TMEM117: variants seen among roughly 807,000 people sequenced by gnomAD.
The protein encoded by TMEM117 is transmembrane protein 117.
Under a neutral mutation model 52.4 loss-of-function variants are expected in TMEM117, and 27 were observed. The ratio of observed to expected loss-of-function variants is 0.51; its 90% CI spans 0.38 to 0.71. TMEM117 has a LOEUF of 0.71. Among genes scored for constraint, TMEM117 ranks in the 30% least tolerant of loss-of-function variants. TMEM117 has a pLI of 0.00. For missense variants in TMEM117, 556 were observed against 630.5 expected (o/e 0.88, Z 1.26); for synonymous variants, 215 against 206.3 (o/e 1.04, Z -0.36).
intron 2 of TMEM117, among the ~76,000 whole-genome samples, chr12:43,933,416 T>C (rs1298453240): frequency 1.3e-5 from 2 of 151,982 alleles, no homozygotes; most frequent in African/African-American, 4.8e-5. Flanking sequence ...TTTGCCAGGA[T>C]GGTCTCGATC....
chr12:44,021,739 C>T (rs1200650712), intron 3 of TMEM117, among the ~76,000 whole-genome samples: 2 of 152,152 alleles, frequency 1.3e-5, no homozygotes, highest in African/African-American at 4.8e-5. Flanking sequence ...TGCTGAATGC[C>T]CTAACATAGG....
chr12:44,354,662 C>T (rs904720385), intron 6 of TMEM117, among the ~76,000 whole-genome samples: 5 of 151,668 alleles, frequency 3.3e-5, no homozygotes, highest in Admixed American at 6.6e-5. Flanking sequence ...ATTGATGGGA[C>T]GTATCTCAAA....
chr12:44,247,932 T>A (rs1950150806), intron 5 of TMEM117, among the ~76,000 whole-genome samples: 1 of 152,184 alleles, frequency 6.6e-6, no homozygotes, highest in Non-Finnish European at 1.5e-5. Context: ...GCCAGGCTTG[T>A]CTGGAGGAAA....
chr12:44,256,988 A>C (rs1489108393), intron 5 of TMEM117, among the ~76,000 whole-genome samples: 1 of 151,036 alleles, frequency 6.6e-6, no homozygotes. Context: ...GCTGACCCTG[A>C]CAAATGACTT....
chr12:43,843,804 T>G (rs147139448), intron 1 of TMEM117, among the ~76,000 whole-genome samples: 25 of 152,374 alleles, frequency 1.6e-4, no homozygotes, highest in African/African-American at 5.0e-4. Flanking sequence ...GACTTAGCTA[T>G]TTCATAGAAC....
chr12:44,169,909 A>G (rs1048935575), intron 4 of TMEM117, among the ~76,000 whole-genome samples: 8 of 152,300 alleles, frequency 5.3e-5, no homozygotes, highest in African/African-American at 1.9e-4. Context: ...ATCTAGAACT[A>G]GAGATACCAT....
chr12:44,180,459 C>T (rs1400132477), intron 4 of TMEM117, among the ~76,000 whole-genome samples: 9 of 149,788 alleles, frequency 6.0e-5, no homozygotes, highest in African/African-American at 2.0e-4. Context: ...CCCACTAACT[C>T]GTCATCTAGC....
At chr12:43,942,543 A>T (rs183018636) in intron 2 of TMEM117, among the ~76,000 whole-genome samples, 4 of 151,586 alleles carry the variant, frequency 2.6e-5, no homozygotes, top group Admixed American at 2.6e-4. Context: ...ATTCTCCCTG[A>T]CTTTCAGTTT....
intron 3 of TMEM117, among the ~76,000 whole-genome samples, chr12:43,983,241 TA>T (rs1945789982): frequency 6.6e-6 from 1 of 152,142 alleles, no homozygotes; most frequent in African/African-American, 2.4e-5. Flanking sequence ...GGCAGCCTTC[TA>T]AAAGTAGCAA....
intron 2 of TMEM117, among the ~76,000 whole-genome samples, chr12:43,866,018 T>TA (rs1325852565): frequency 6.6e-6 from 1 of 151,814 alleles, no homozygotes; most frequent in African/African-American, 2.4e-5. Flanking sequence ...AAACAGCACT[T>TA]AGATGATCCA....
At chr12:43,976,363 G>A (rs1018995688) in intron 3 of TMEM117, among the ~76,000 whole-genome samples, 3 of 152,052 alleles carry the variant, frequency 2.0e-5, no homozygotes, top group Non-Finnish European at 4.4e-5. Flanking sequence ...GAGTGGGCTA[G>A]GGGACTGCTG....
chr12:43,838,864 A>T (rs1943074348), intron 1 of TMEM117, among the ~76,000 whole-genome samples: 1 of 152,042 alleles, frequency 6.6e-6, no homozygotes, highest in Admixed American at 6.6e-5. Flanking sequence ...GGCAGGTATC[A>T]GGAATAATTG....
At chr12:44,075,879 C>CT (rs1194075839) in intron 3 of TMEM117, among the ~76,000 whole-genome samples, 1 of 152,140 alleles carries the variant, frequency 6.6e-6, no homozygotes, top group Non-Finnish European at 1.5e-5. Flanking sequence ...GGGAGGGTCT[C>CT]TTTTCTTCAG....
intron 4 of TMEM117, among the ~76,000 whole-genome samples, chr12:44,191,009 C>G (rs1481911173): frequency 1.3e-5 from 2 of 150,192 alleles, no homozygotes; most frequent in African/African-American, 4.9e-5. Flanking sequence ...AAAGACATAC[C>G]TGAGACTGGG....
the TMEM117 span, chr12:43,798,578 T>C: frequency 6.6e-6 from 10 of 1,523,640 alleles, no homozygotes. Flanking sequence ...AATATGATCC[T>C]CTGGGCTCTG....
intron 2 of TMEM117, among the ~76,000 whole-genome samples, chr12:43,905,968 AT>A (rs1944379593): frequency 6.6e-6 from 1 of 152,210 alleles, no homozygotes; most frequent in Non-Finnish European, 1.5e-5. Flanking sequence ...TTTGGTTATA[AT>A]AATTCTGTTC....
At chr12:43,862,941 G>A (rs1033597953) in intron 2 of TMEM117, among the ~76,000 whole-genome samples, 20 of 152,026 alleles carry the variant, frequency 1.3e-4, no homozygotes, top group East Asian at 3.9e-4. Flanking sequence ...ACTCCAGCCC[G>A]GGTGACACTG....
intron 2 of TMEM117, among the ~76,000 whole-genome samples, chr12:43,856,056 A>G (rs551694579): frequency 6.6e-6 from 1 of 152,334 alleles, no homozygotes; most frequent in South Asian, 2.1e-4. Flanking sequence ...ACAAGTTATC[A>G]TGGTCGTTGA....
intron 5 of TMEM117, among the ~76,000 whole-genome samples, chr12:44,255,001 TG>T (rs1230319517): frequency 1.3e-5 from 2 of 152,342 alleles, no homozygotes; most frequent in East Asian, 3.9e-4. Context: ...TCATATTTTA[TG>T]GCTGCATAGT....
Sources: allele counts gnomAD v4.1 joint callset (sites outside exome capture counted in the v4.1 genomes callset), GRCh38; gene constraint gnomAD v4.1.1; transcripts MANE v1.5; gene names NCBI Gene and HGNC (gene_info 2026-07-23, HGNC 2026-07-21).